Variants in NRCAM observed in about 807,000 individuals in gnomAD.
NRCAM encodes NgCAM-related cell adhesion molecule.
In NRCAM, 83 loss-of-function variants were observed where a neutral mutation model predicts 156.5. The observed-to-expected ratio is 0.53, with a 90% CI of 0.44 to 0.64. NRCAM has a LOEUF of 0.64. NRCAM is among the 30% of genes least tolerant of loss of function. The pLI, the probability that NRCAM is intolerant of heterozygous loss-of-function variation, is 0.00. For missense variants in NRCAM, 1,417 were observed against 1,597.3 expected (o/e 0.89, Z 1.92); for synonymous variants, 538 against 563.9 (o/e 0.95, Z 0.65).
At chr7:108,151,673 T>C (rs1419877375) in intron 32 of NRCAM, among the ~76,000 whole-genome samples, 2 of 152,214 alleles carry the variant, frequency 1.3e-5, no homozygotes, top group East Asian at 3.8e-4. Flanking sequence ...GGTATCATCT[T>C]GGGGTGGTCT....
At chr7:108,229,882 AC>A (rs2094073140) in intron 8 of NRCAM, among the ~76,000 whole-genome samples, 1 of 152,212 alleles carries the variant, frequency 6.6e-6, no homozygotes. Context: ...GAGGACAGAA[AC>A]AGGGGTAGAC....
chr7:108,166,399 C>G (rs1585805457), intron 30 of NRCAM, among the ~76,000 whole-genome samples: 1 of 152,012 alleles, frequency 6.6e-6, no homozygotes, highest in African/African-American at 2.4e-5. Context: ...AGGCGCCCAC[C>G]ACCATGCCCA....
chr7:108,171,434 A>C (rs2058379110), intron 28 of NRCAM, among the ~76,000 whole-genome samples: 1 of 152,034 alleles, frequency 6.6e-6, no homozygotes, highest in African/African-American at 2.4e-5. Context: ...CACTCTCTAC[A>C]AGTCAGCCTA....
At chr7:108,172,390 G>C (rs2152079152) in intron 28 of NRCAM, among the ~76,000 whole-genome samples, 1 of 152,108 alleles carries the variant, frequency 6.6e-6, no homozygotes, top group East Asian at 1.9e-4. Context: ...CTGCCTCCTG[G>C]GTTAAAACAA....
chr7:108,223,286 C>T (rs1386779603), intron 11 of NRCAM, among the ~76,000 whole-genome samples: 1 of 152,172 alleles, frequency 6.6e-6, no homozygotes, highest in Non-Finnish European at 1.5e-5. Context: ...TAGAGGACAA[C>T]TGCTCTGTAG....
chr7:108,220,215 A>G (rs1224532597), intron 11 of NRCAM, among the ~76,000 whole-genome samples: 1 of 152,194 alleles, frequency 6.6e-6, no homozygotes, highest in Non-Finnish European at 1.5e-5. Flanking sequence ...ACACAAATGA[A>G]AACACATCCC....
intron 3 of NRCAM, among the ~76,000 whole-genome samples, chr7:108,263,488 C>T (rs2096962996): frequency 6.6e-6 from 1 of 152,264 alleles, no homozygotes; most frequent in African/African-American, 2.4e-5. Flanking sequence ...CTCCGAGCTT[C>T]CGCATCAGGC....
chr7:108,331,383 A>AGAGT (rs1023658059), intron 2 of NRCAM, among the ~76,000 whole-genome samples: 1 of 152,128 alleles, frequency 6.6e-6, no homozygotes, highest in Non-Finnish European at 1.5e-5. Context: ...CCTGGGCAAC[A>AGAGT]GAGTGAGACC....
intron 3 of NRCAM, among the ~76,000 whole-genome samples, chr7:108,261,846 C>G (rs544865965): frequency 1.3e-5 from 2 of 152,250 alleles, no homozygotes; most frequent in Non-Finnish European, 2.9e-5. Flanking sequence ...CACAACCCAG[C>G]AGTGCAGGGG....
intron 3 of NRCAM, among the ~76,000 whole-genome samples, chr7:108,311,453 T>G (rs1023668780): frequency 6.6e-6 from 1 of 152,170 alleles, no homozygotes; most frequent in African/African-American, 2.4e-5. Context: ...AAAGGGAGCT[T>G]TCTCTTAAAA....
At chr7:108,353,043 T>C (rs972279671) in intron 2 of NRCAM, among the ~76,000 whole-genome samples, 1 of 142,908 alleles carries the variant, frequency 7.0e-6, no homozygotes, top group African/African-American at 2.6e-5. Flanking sequence ...GAGTGACATG[T>C]GCTCATTGTA....
chr7:108,353,419 T>C (rs1158866332), intron 2 of NRCAM, among the ~76,000 whole-genome samples: 3 of 152,028 alleles, frequency 2.0e-5, no homozygotes, highest in Admixed American at 6.6e-5. Context: ...GTGGTGTGAT[T>C]GTGATCCTCC....
At chr7:108,359,360 C>T (rs2099532657) in intron 2 of NRCAM, among the ~76,000 whole-genome samples, 2 of 152,026 alleles carry the variant, frequency 1.3e-5, no homozygotes, top group Admixed American at 6.6e-5. Context: ...GTCAAGAGTC[C>T]CATAAAAGAA....
intron 1 of NRCAM, among the ~76,000 whole-genome samples, chr7:108,429,199 T>C (rs1465742555): frequency 2.0e-5 from 3 of 152,228 alleles, no homozygotes; most frequent in Non-Finnish European, 4.4e-5. Flanking sequence ...TTTCTTTTTT[T>C]TTCTTTTTGT....
At chr7:108,298,866 G>A (rs1013112944) in intron 3 of NRCAM, among the ~76,000 whole-genome samples, 2 of 151,120 alleles carry the variant, frequency 1.3e-5, no homozygotes, top group African/African-American at 4.9e-5. Context: ...AGCACTTTGT[G>A]AAGCCGAGGC....
chr7:108,432,923 GAAA>G (rs1827397748), intron 1 of NRCAM, among the ~76,000 whole-genome samples: 5 of 93,884 alleles, frequency 5.3e-5, no homozygotes, highest in African/African-American at 1.6e-4. Context: ...AAGAGAAAGA[GAAA>G]GAGGAGAAAG....
intron 2 of NRCAM, among the ~76,000 whole-genome samples, chr7:108,341,634 G>T (rs2099278335): frequency 6.6e-6 from 1 of 152,156 alleles, no homozygotes; most frequent in African/African-American, 2.4e-5. Flanking sequence ...GCAACAGAAG[G>T]ACAATATGGA....
intron 2 of NRCAM, among the ~76,000 whole-genome samples, chr7:108,357,077 T>C (rs774472706): frequency 8.9e-4 from 136 of 152,318 alleles, no homozygotes; most frequent in Admixed American, 1.5e-3. Context: ...AGCACCCAGA[T>C]CTTGGACTTC....
chr7:108,153,457 T>C (rs963490544), intron 32 of NRCAM, among the ~76,000 whole-genome samples: 1 of 152,126 alleles, frequency 6.6e-6, no homozygotes, highest in Non-Finnish European at 1.5e-5. Context: ...GAATAGAATG[T>C]ATCTTCATTA....
Sources: allele counts gnomAD v4.1 joint callset (sites outside exome capture counted in the v4.1 genomes callset), GRCh38; gene constraint gnomAD v4.1.1; transcripts MANE v1.5; gene names NCBI Gene and HGNC (gene_info 2026-07-23, HGNC 2026-07-21).